Variants in LRRFIP2 observed in about 807,000 individuals in gnomAD.
The protein encoded by LRRFIP2 is LRR binding FLII interacting protein 2.
A neutral mutation model predicts 125.9 loss-of-function variants in LRRFIP2; 109 were observed. The observed-to-expected ratio is 0.87, with a 90% CI of 0.74 to 1.01. LRRFIP2 has a LOEUF of 1.01. Ranked by LOEUF, LRRFIP2 falls within the 50% of genes least tolerant of loss-of-function variation. The pLI is 0.00. For synonymous variants in LRRFIP2, 291 were observed against 293.1 expected (o/e 0.99, Z 0.07); for missense variants, 850 against 862.3 (o/e 0.99, Z 0.18).
In LRRFIP2 at chr3:37,078,695, A is replaced by G. The variant is rs2092356252; in HGVS notation, c.1279-3579T>C. ...AACACTGACCTACTTGGTGGCAATG[A>G]GCATCTCTAGCACTCATACTAAAAC... On this transcript the variant is annotated intron_variant, in intron 19 of 27. Transcript: ENST00000336686. Among the ~76,000 whole-genome samples the G allele has an allele frequency of 2.0e-5, 3 of 152,218 alleles. No individual in the cohort carries two copies. The South Asian group carries it at 6.2e-4, about 32-fold the overall frequency.
chr3:37,158,422 C>G (rs1297240693), intron 1 of LRRFIP2, among the ~76,000 whole-genome samples: 1 of 151,690 alleles, frequency 6.6e-6, no homozygotes, highest in African/African-American at 2.4e-5. Flanking sequence ...GCTTGGCCAA[C>G]ATGGTGGAAC....
chr3:37,058,675 CAAAAAAA>C (rs58404365), intron 25 of LRRFIP2, 108 bp downstream of exon 25: 19 of 907,416 alleles, frequency 2.1e-5, no homozygotes, highest in Admixed American at 2.7e-5. Context: ...ACTCCCATCT[CAAAAAAA>C]AAAAAAAAAG....
chr3:37,152,473 G>A (rs975207034), intron 1 of LRRFIP2, among the ~76,000 whole-genome samples: 5 of 151,820 alleles, frequency 3.3e-5, no homozygotes, highest in South Asian at 2.1e-4. Flanking sequence ...ACGGAGTCTC[G>A]CTCTTTCTTG....
intron 2 of LRRFIP2, among the ~76,000 whole-genome samples, chr3:37,141,870 A>C (rs74359209): frequency 0.014 from 2,110 of 152,300 alleles, 42 homozygotes; most frequent in African/African-American, 0.045. Context: ...TCATAAGATC[A>C]CTGCAAGAAC....
At chr3:37,148,820 A>T in intron 2 of LRRFIP2, 74 bp downstream of exon 2, 6 of 1,543,502 alleles carry the variant, frequency 3.9e-6, no homozygotes, top group Non-Finnish European at 5.4e-6. Flanking sequence ...GTAAACGTCT[A>T]TATCTCTGTC....
chr3:37,124,474 A>G (rs6766806), intron 4 of LRRFIP2, among the ~76,000 whole-genome samples: 6,375 of 152,274 alleles, frequency 0.042, 401 homozygotes, highest in African/African-American at 0.13. Flanking sequence ...ACTTTTGCAC[A>G]GTGGCAAACA....
intron 6 of LRRFIP2, among the ~76,000 whole-genome samples, chr3:37,120,107 T>A (rs893607468): frequency 6.5e-4 from 93 of 142,034 alleles, no homozygotes; most frequent in African/African-American, 2.4e-3. Context: ...TTAATATTCT[T>A]TTTTTTTTTT....
chr3:37,124,804 T>C (rs2095211755), intron 4 of LRRFIP2, among the ~76,000 whole-genome samples: 1 of 152,224 alleles, frequency 6.6e-6, no homozygotes. Flanking sequence ...CTTCCTTCTC[T>C]GGAAGAACAA....
At chr3:37,160,999 G>C (rs1341621606) in intron 1 of LRRFIP2, among the ~76,000 whole-genome samples, 1 of 151,984 alleles carries the variant, frequency 6.6e-6, no homozygotes, top group Non-Finnish European at 1.5e-5. Flanking sequence ...CTGATGAATG[G>C]ATAAGCAAAT....
At chr3:37,090,788 G>A (rs9879135) in intron 18 of LRRFIP2, among the ~76,000 whole-genome samples, 55,113 of 151,738 alleles carry the variant, frequency 0.36, 10,934 homozygotes, top group Non-Finnish European at 0.45. Context: ...CATCTTTTTT[G>A]ACCTATAGGT....
chr3:37,060,970 G>A lies in LRRFIP2; in HGVS notation c.1750-2060C>T, dbSNP rs1031448632. Among the ~76,000 whole-genome samples the A allele has an allele frequency of 7.2e-4, 53 of 73,490 alleles. No homozygotes were observed. The highest frequency in any genetic ancestry group is 1.6e-3 in the African/African-American group (51 of 32,732). The allele number at this position is 73,490 out of a possible 152,430, so 48.2% of individuals were successfully genotyped here. A position where few individuals can be genotyped will look rare whatever the true frequency, so the allele number is the denominator to read the frequency against. ...CTCATGTTGAAATGTATTCCCCAGT[G>A]CTGAAGGTGGGGCCTGGCAGGAGGT... On this transcript the variant is annotated intron_variant, in intron 24 of 27. Coordinates refer to ENST00000336686, the MANE Select transcript of LRRFIP2 (RefSeq NM_006309.4). This position sits in a 1 kb window ranked among gnomAD's most constrained non-coding sequence, Gnocchi z 4.1.
At chr3:37,121,930 T>A (rs544478082) in intron 4 of LRRFIP2, among the ~76,000 whole-genome samples, 3 of 151,892 alleles carry the variant, frequency 2.0e-5, no homozygotes, top group South Asian at 2.1e-4. Context: ...TTTTTTTTTT[T>A]AATTATACTT....
chr3:37,065,877 A>G lies in LRRFIP2; in HGVS notation c.1632T>C (p.Ala544=). Residue 544 remains alanine, a synonymous_variant, in exon 23 of 28, where the codon GCT becomes GCC. Transcript: ENST00000336686. ...CCTGAGACACAACAGTGATGGCTCC[A>G]GCCACTGGTTCATGACTGACATCAC... ...PNGDVSHEPV[A]GAITVVSQEA... 6.2e-7 allele frequency: 1 copy of G among 1,614,210 alleles called. No homozygotes were observed.
chr3:37,091,656 T>A (rs1378400297), intron 17 of LRRFIP2, 118 bp from the exon 18 acceptor site: 15 of 709,492 alleles, frequency 2.1e-5, no homozygotes, highest in Middle Eastern at 3.8e-4. Context: ...AGCAGAGAAA[T>A]CAAAGTACAA....
chr3:37,099,200 A>T (rs2093890846), intron 15 of LRRFIP2, among the ~76,000 whole-genome samples: 1 of 152,172 alleles, frequency 6.6e-6, no homozygotes, highest in African/African-American at 2.4e-5. Flanking sequence ...TAACTTGGCA[A>T]GTTCTCACTT....
At chr3:37,094,710 G>A (rs2149224496) in intron 17 of LRRFIP2, 82 bp downstream of exon 17, 1 of 823,976 alleles carries the variant, frequency 1.2e-6, no homozygotes, top group Non-Finnish European at 2.1e-6. Context: ...TTTCTACTAA[G>A]TCACATTAAA....
chr3:37,136,184 C>T (rs1293319323), intron 2 of LRRFIP2, among the ~76,000 whole-genome samples: 1 of 152,152 alleles, frequency 6.6e-6, no homozygotes, highest in African/African-American at 2.4e-5. Flanking sequence ...AAGCCAGACA[C>T]AAAAGGTCAC....
chr3:37,146,379 G>A (rs1336710230), intron 2 of LRRFIP2, among the ~76,000 whole-genome samples: 1 of 152,116 alleles, frequency 6.6e-6, no homozygotes, highest in Non-Finnish European at 1.5e-5. Flanking sequence ...CACGTGTCAT[G>A]ATGGTTTGCT....
intron 1 of LRRFIP2, among the ~76,000 whole-genome samples, chr3:37,165,623 G>A (rs952802962): frequency 6.6e-6 from 1 of 151,622 alleles, no homozygotes; most frequent in Non-Finnish European, 1.5e-5. Flanking sequence ...GTGGTGGCAG[G>A]TGCCTGTAAT....
Sources: allele counts gnomAD v4.1 joint callset (sites outside exome capture counted in the v4.1 genomes callset), GRCh38; gene constraint gnomAD v4.1.1; non-coding constraint Gnocchi (gnomAD v3.1); transcripts MANE v1.5; gene names NCBI Gene and HGNC (gene_info 2026-07-23, HGNC 2026-07-21).